The following PCDHAC2 variants were observed in gnomAD, a reference collection of about 807,000 sequenced individuals.
The protein encoded by PCDHAC2 is protocadherin alpha subfamily C, 2.
PCDHAC2 carries 24 observed loss-of-function variants against 63.3 expected under a neutral mutation model. The observed-to-expected ratio is 0.38, with a 90% CI of 0.27 to 0.53. PCDHAC2 has a LOEUF of 0.53. Among genes scored for constraint, PCDHAC2 ranks in the 20% least tolerant of loss-of-function variants. PCDHAC2 has a pLI of 0.81. For missense variants in PCDHAC2, 1,181 were observed against 1,275.2 expected, an observed-to-expected ratio of 0.93 and a Z score of 1.12; for synonymous variants, 569 against 529.4, an observed-to-expected ratio of 1.07 and a Z score of -1.03.
chr5:140,994,052 C>T (rs2097593082), intron 3 of PCDHAC2, among the ~76,000 whole-genome samples: 1 of 152,134 alleles, frequency 6.6e-6, no homozygotes, highest in African/African-American at 2.4e-5. Context: ...CAGTCCTGCC[C>T]TTATAAATCT....
chr5:140,988,675 A>C (rs574653772), intron 3 of PCDHAC2, among the ~76,000 whole-genome samples: 1 of 152,228 alleles, frequency 6.6e-6, no homozygotes, highest in East Asian at 1.9e-4. Context: ...ACTCTAAGAT[A>C]ATTCTTTCCC....
intron 3 of PCDHAC2, among the ~76,000 whole-genome samples, chr5:140,991,824 A>T (rs1326935155): frequency 1.3e-5 from 2 of 152,240 alleles, no homozygotes; most frequent in Non-Finnish European, 2.9e-5. Context: ...TTAGGCATTT[A>T]TAACGGCAGA....
chr5:140,999,450 A>G (rs2097858332), intron 3 of PCDHAC2, among the ~76,000 whole-genome samples: 1 of 152,198 alleles, frequency 6.6e-6, no homozygotes, highest in Admixed American at 6.5e-5. Flanking sequence ...TATTCGTTCA[A>G]CGAATAAGTG....
At chr5:140,971,322 A>G (rs1344853773) in intron 1 of PCDHAC2, among the ~76,000 whole-genome samples, 6 of 152,224 alleles carry the variant, frequency 3.9e-5, no homozygotes, top group Admixed American at 3.9e-4. Context: ...TCTAGGGAGA[A>G]AATTATTTCA....
At chr5:140,975,010 C>T (rs2096649304) in intron 1 of PCDHAC2, among the ~76,000 whole-genome samples, 1 of 152,182 alleles carries the variant, frequency 6.6e-6, no homozygotes, top group Admixed American at 6.5e-5. Context: ...GAAATGAACA[C>T]AGCTGGGCTG....
At chr5:140,983,340 A>G (rs148799902) in intron 3 of PCDHAC2, among the ~76,000 whole-genome samples, 114 of 152,358 alleles carry the variant, frequency 7.5e-4, no homozygotes, top group African/African-American at 2.2e-3. Flanking sequence ...TCACTAAAGC[A>G]GGGTCATGTA....
At chr5:140,999,526 C>A (rs1429753507) in intron 3 of PCDHAC2, among the ~76,000 whole-genome samples, 2 of 152,026 alleles carry the variant, frequency 1.3e-5, no homozygotes, top group Non-Finnish European at 2.9e-5. Context: ...TTTGTTACCC[C>A]CTGGATATGA....
chr5:140,997,984 A>G (rs1004761154), intron 3 of PCDHAC2, among the ~76,000 whole-genome samples: 4 of 152,188 alleles, frequency 2.6e-5, no homozygotes, highest in Admixed American at 2.6e-4. Context: ...TGCACTTGTT[A>G]CATACTTCCC....
At chr5:140,978,800 TATC>T (rs1193658453) in intron 1 of PCDHAC2, 146 bp from the exon 2 acceptor site, 56 of 1,480,550 alleles carry the variant, frequency 3.8e-5, no homozygotes, top group Admixed American at 1.1e-4. Context: ...TATATGTAGA[TATC>T]ATCATAGAGT....
chr5:141,000,387 CTCTCTCTCTATATATA>C (rs1282156924), intron 3 of PCDHAC2, among the ~76,000 whole-genome samples: 8 of 66,888 alleles, frequency 1.2e-4, no homozygotes, highest in African/African-American at 4.0e-4. Flanking sequence ...CTCTCTCTCT[CTCTCTCTCTATATATA>C]TATATATATA....
chr5:140,967,154 G>A lies in PCDHAC2; in HGVS notation c.388G>A (p.Ala130Thr). The change falls in exon 1 of 4, where the codon GCG becomes ACG. Residue 130 changes from alanine to threonine, a missense_variant. Ala to Thr is a moderately conservative substitution (Grantham distance 58). Around this residue, in one of 3 missense-constraint regions of PCDHAC2, gnomAD observed 210 missense variants for 184.9 expected, o/e 1.14. Coordinates refer to ENST00000289269, the MANE Select transcript of PCDHAC2 (RefSeq NM_018899.6). Reference sequence around the variant, plus strand: ...GGAAGTGCTGGCGCACAACCCCGTGGCGGTGAGCGCCGTTGAGGTGGAAAT... The same window carrying A: ...GGAAGTGCTGGCGCACAACCCCGTGACGGTGAGCGCCGTTGAGGTGGAAAT... Reference protein sequence around the residue: ...SLEVLAHNPVAVSAVEVEILD... With the variant: ...SLEVLAHNPVTVSAVEVEILD... The A allele has an allele frequency of 1.2e-6, 2 of 1,610,730 alleles. No individual in the cohort carries two copies. The highest frequency in any genetic ancestry group is 1.7e-6 in the Non-Finnish European group (2 of 1,177,584).
Position 141,010,119 on chromosome 5 carries a change from A to G in PCDHAC2, c.*182A>G. 6.2e-7 allele frequency: 1 copy of G among 1,608,062 alleles called. No homozygotes were observed. On this transcript the variant is annotated 3_prime_UTR_variant, in exon 4 of 4. Transcript: ENST00000289269. ...TAACAGGTTTTGTCGTAAAAGCTTT[A>G]CTAAGTCTGGTGTTAACTCTTTCTC...
chr5:140,969,045 CCAA>C lies in PCDHAC2; in HGVS notation c.2286_2288del (p.Asn763del). 2.5e-6 allele frequency: 4 copies of C among 1,614,090 alleles called. No homozygotes were observed. The highest frequency in any genetic ancestry group is 3.4e-6 in the Non-Finnish European group (4 of 1,179,986). ...TCCCCTGCAGAACTGTACAAACAAG[CCAA>C]CAACAATATTGATGCCAGGATACCG... On this transcript the variant is annotated inframe_deletion, in exon 1 of 4. Transcript: ENST00000289269.
Position 141,000,578 on chromosome 5 carries a change from C to T in PCDHAC2, c.2714-9049C>T, listed in dbSNP as rs191579983. On this transcript the variant is annotated intron_variant, in intron 3 of 3. Coordinates refer to ENST00000289269, the MANE Select transcript of PCDHAC2 (RefSeq NM_018899.6). ...GAGTAGCTGGGATTACAGGTGCCTG[C>T]CACCATGCCCAGCTAATTTTTGTAT... Among the ~76,000 whole-genome samples the T allele has an allele frequency of 3.1e-3, 460 of 150,716 alleles. 6 individuals carry two copies. Among genetic ancestry groups the T allele is most frequent in the Middle Eastern group, 0.01 (3 of 290 alleles).
intron 3 of PCDHAC2, among the ~76,000 whole-genome samples, chr5:141,005,884 T>A (rs1554260408): frequency 6.6e-6 from 1 of 151,744 alleles, no homozygotes; most frequent in Non-Finnish European, 1.5e-5. Context: ...GAGTTTGAGG[T>A]TACATCAAGC....
intron 1 of PCDHAC2, among the ~76,000 whole-genome samples, chr5:140,972,657 CA>C (rs1342092810): frequency 2.8e-5 from 4 of 143,798 alleles, no homozygotes; most frequent in South Asian, 4.5e-4. Context: ...AAAAAGAAAC[CA>C]AATTTTTTTT....
intron 2 of PCDHAC2, 29 bp downstream of exon 2, chr5:140,979,036 A>G: frequency 6.2e-7 from 1 of 1,613,064 alleles, no homozygotes. Context: ...ATTCACTCAG[A>G]AGTAACCTTA....
At chr5:140,999,855 G>A (rs1019104615) in intron 3 of PCDHAC2, among the ~76,000 whole-genome samples, 8 of 152,094 alleles carry the variant, frequency 5.3e-5, no homozygotes, top group Admixed American at 2.6e-4. Context: ...TATCTCTTCC[G>A]CTCCAAGATT....
intron 1 of PCDHAC2, among the ~76,000 whole-genome samples, chr5:140,975,946 A>T (rs989122714): frequency 6.6e-6 from 1 of 152,210 alleles, no homozygotes; most frequent in Non-Finnish European, 1.5e-5. Context: ...AATAGGACAT[A>T]TTAGAGTTCT....
Sources: gnomAD v4.1 joint callset for allele counts (sites outside exome capture counted in the v4.1 genomes callset) on GRCh38, gnomAD v4.1.1 for gene constraint, gnomAD v4.1.1 regional missense constraint, MANE v1.5 for transcripts, NCBI Gene and HGNC (gene_info 2026-07-23, HGNC 2026-07-21) for gene names.